PLCH1: variants seen among roughly 807,000 people sequenced by gnomAD.
PLCH1 encodes 1-phosphatidylinositol 4,5-bisphosphate phosphodiesterase eta-1.
A neutral mutation model predicts 126.7 loss-of-function variants in PLCH1; 60 were observed. The ratio of observed to expected loss-of-function variants is 0.47; its 90% CI spans 0.38 to 0.59. PLCH1 has a LOEUF of 0.59. Ranked by LOEUF, PLCH1 falls within the 20% of genes least tolerant of loss-of-function variation. The probability of loss-of-function intolerance (pLI) is 0.00; values close to 1 mark genes in which losing one functional copy is unlikely to be tolerated. For synonymous variants in PLCH1, 719 were observed against 734.9 expected (o/e 0.98, Z 0.35); for missense variants, 1,723 against 2,040.0 (o/e 0.84, Z 2.99).
At chr3:155,678,468 T>C (rs192052832) in intron 2 of PLCH1, among the ~76,000 whole-genome samples, 34 of 152,306 alleles carry the variant, frequency 2.2e-4, no homozygotes, top group African/African-American at 7.7e-4. Flanking sequence ...CCTAGAGATA[T>C]CTACTTATTA....
chr3:155,676,485 T>C (rs752115668), intron 2 of PLCH1: 45 of 719,772 alleles, frequency 6.3e-5, no homozygotes, highest in Non-Finnish European at 7.3e-5. Flanking sequence ...TCAGAGGTCA[T>C]TGAGAAACAC....
At chr3:155,646,905 G>A (rs1445571800) in intron 2 of PLCH1, among the ~76,000 whole-genome samples, 1 of 152,206 alleles carries the variant, frequency 6.6e-6, no homozygotes, top group Admixed American at 6.5e-5. Context: ...CATACCTGTG[G>A]TTGTTTTAAA....
At chr3:155,603,415 A>G (rs1344441418) in intron 2 of PLCH1, among the ~76,000 whole-genome samples, 1 of 152,184 alleles carries the variant, frequency 6.6e-6, no homozygotes, top group Non-Finnish European at 1.5e-5. Context: ...CTCAGCACAA[A>G]CCCAACACCT....
intron 10 of PLCH1, among the ~76,000 whole-genome samples, chr3:155,537,998 C>A (rs1723677066): frequency 6.6e-6 from 1 of 151,938 alleles, no homozygotes; most frequent in South Asian, 2.1e-4. Context: ...TATGACAGGC[C>A]ACAAAACAAG....
At chr3:155,504,471 C>T in intron 13 of PLCH1, 84 bp downstream of exon 13, 1 of 733,412 alleles carries the variant, frequency 1.4e-6, no homozygotes, top group Non-Finnish European at 2.4e-6. Flanking sequence ...TCAGTTATTC[C>T]AAGGTCATGA....
At chr3:155,657,417 G>A (rs1479915783) in intron 2 of PLCH1, among the ~76,000 whole-genome samples, 1 of 152,134 alleles carries the variant, frequency 6.6e-6, no homozygotes, top group Non-Finnish European at 1.5e-5. Flanking sequence ...TCACAGGACA[G>A]GTTACTGGAG....
intron 6 of PLCH1, among the ~76,000 whole-genome samples, chr3:155,576,238 A>G (rs1421145563): frequency 6.6e-6 from 1 of 152,140 alleles, no homozygotes; most frequent in Non-Finnish European, 1.5e-5. Flanking sequence ...AAACAAAGCA[A>G]AACAAAACAA....
chr3:155,488,624 GGTCA>G, intron 20 of PLCH1, 32 bp downstream of exon 20: 1 of 1,544,554 alleles, frequency 6.5e-7, no homozygotes, highest in Non-Finnish European at 8.8e-7. Context: ...AAAAAGGAAT[GGTCA>G]GTCTAGAGAG....
chr3:155,646,633 A>C (rs1740091675), intron 2 of PLCH1, among the ~76,000 whole-genome samples: 1 of 152,168 alleles, frequency 6.6e-6, no homozygotes. Context: ...TTATCCTGAT[A>C]CTTCTCTAAA....
At chr3:155,535,821 A>G (rs1407284868) in intron 10 of PLCH1, among the ~76,000 whole-genome samples, 4 of 152,214 alleles carry the variant, frequency 2.6e-5, no homozygotes, top group Admixed American at 2.6e-4. Flanking sequence ...ATGATCTCTT[A>G]AAAGTGCTAC....
chr3:155,680,460 A>C (rs1006757414), intron 2 of PLCH1, among the ~76,000 whole-genome samples: 2 of 152,176 alleles, frequency 1.3e-5, no homozygotes, highest in African/African-American at 4.8e-5. Context: ...AATGGAAAGT[A>C]GGGGAAAAGC....
At chr3:155,479,309 G>A (rs1713688238), downstream of PLCH1, among the ~76,000 whole-genome samples, 1 of 152,034 alleles carries the variant, frequency 6.6e-6, no homozygotes, top group African/African-American at 2.4e-5. Context: ...AAATGCCTTG[G>A]GCTCACTAAG....
rs183583440 is a variant in PLCH1 at position 155,719,638 on chromosome 3, T to G, written c.-40-15374A>C. Among the ~76,000 whole-genome samples the G allele has an allele frequency of 2.5e-3, 374 of 152,176 alleles. 4 individuals carry two copies. The highest frequency in any genetic ancestry group is 6.5e-4 in the Non-Finnish European group (44 of 68,012). ...AACTGTTGTACTTTTTGGTAGACATTATTATGTCATGTGCTTTTTTGAAAT... is the reference window on the plus strand; with the variant it reads ...AACTGTTGTACTTTTTGGTAGACATGATTATGTCATGTGCTTTTTTGAAAT... On this transcript the variant is annotated intron_variant, in intron 1 of 22. Transcript: ENST00000460012.
intron 2 of PLCH1, among the ~76,000 whole-genome samples, chr3:155,671,048 C>T (rs1373738388): frequency 2.0e-5 from 3 of 152,180 alleles, no homozygotes; most frequent in Admixed American, 1.3e-4. Context: ...CAATCGATTG[C>T]TTCCTGCCTA....
chr3:155,568,443 T>C (rs989148711), intron 6 of PLCH1, 119 bp from the exon 7 acceptor site: 10 of 470,110 alleles, frequency 2.1e-5, no homozygotes, highest in South Asian at 4.8e-5. Context: ...TAAATGAGCA[T>C]TGTTTGGGGT....
At chr3:155,678,401 G>A (rs1744261816) in intron 2 of PLCH1, among the ~76,000 whole-genome samples, 1 of 152,198 alleles carries the variant, frequency 6.6e-6, no homozygotes, top group African/African-American at 2.4e-5. Flanking sequence ...TTAAAAAGCA[G>A]CCATGGCCCA....
At chr3:155,628,827 T>C (rs1737679376) in intron 2 of PLCH1, among the ~76,000 whole-genome samples, 1 of 152,204 alleles carries the variant, frequency 6.6e-6, no homozygotes, top group African/African-American at 2.4e-5. Context: ...AGGCGTTTTC[T>C]TGTCTTTGCC....
intron 2 of PLCH1, among the ~76,000 whole-genome samples, chr3:155,686,027 G>A (rs535645259): frequency 6.6e-6 from 1 of 152,332 alleles, no homozygotes; most frequent in Non-Finnish European, 1.5e-5. Context: ...ACTTATGAAT[G>A]TTAAATTTAC....
chr3:155,715,124 G>A lies in PLCH1; in HGVS notation c.-40-10860C>T, dbSNP rs143276495. Among the ~76,000 whole-genome samples, 14 of 152,192 alleles carry A rather than the reference G, an allele frequency of 9.2e-5. No individual in the cohort carries two copies. In the East Asian group the frequency reaches 2.5e-3, roughly 27 times the overall value. ...CTTTCAAATGTTTTAGCATGAAGTT[G>A]TTCATAATATTATTCATATAATTTT... On this transcript the variant is annotated intron_variant, in intron 1 of 22. Coordinates refer to ENST00000460012, the MANE Select transcript of PLCH1 (RefSeq NM_014996.4).
Sources: gnomAD v4.1 joint callset for allele counts (sites outside exome capture counted in the v4.1 genomes callset) on GRCh38, gnomAD v4.1.1 for gene constraint, MANE v1.5 for transcripts, NCBI Gene and HGNC (gene_info 2026-07-23, HGNC 2026-07-21) for gene names.